Variants in ZNF609 observed in about 807,000 individuals in gnomAD.
ZNF609 encodes the protein zinc finger protein 609.
Under a neutral mutation model 109.5 loss-of-function variants are expected in ZNF609, and 11 were observed. That is an observed-to-expected ratio of 0.10 (90% CI 0.06 to 0.17). The LOEUF (loss-of-function observed/expected upper bound fraction) is 0.17, where lower values mean the gene tolerates loss of function less well. Among genes scored for constraint, ZNF609 ranks in the 10% least tolerant of loss-of-function variants. ZNF609 has a pLI of 1.00. For missense variants in ZNF609, 1,559 were observed against 1,772.4 expected (o/e 0.88, Z 2.16); for synonymous variants, 646 against 662.0 (o/e 0.98, Z 0.37).
At chr15:64,676,775 A>G (rs986521540) in intron 5 of ZNF609, among the ~76,000 whole-genome samples, 1 of 151,218 alleles carries the variant, frequency 6.6e-6, no homozygotes, top group Admixed American at 6.6e-5. Flanking sequence ...TTATTTTGAG[A>G]TGGAGTCTGG....
At chr15:64,572,834 G>C (rs1025141984) in intron 2 of ZNF609, among the ~76,000 whole-genome samples, 2 of 152,144 alleles carry the variant, frequency 1.3e-5, no homozygotes, top group Non-Finnish European at 2.9e-5. Context: ...CCGGGAGGCG[G>C]AAGTTGTGGT....
chr15:64,590,963 C>T (rs150517566), intron 2 of ZNF609, among the ~76,000 whole-genome samples: 1 of 152,110 alleles, frequency 6.6e-6, no homozygotes, highest in East Asian at 1.9e-4. Flanking sequence ...AATAAACTAC[C>T]CTGGAAATGT....
intron 3 of ZNF609, among the ~76,000 whole-genome samples, chr15:64,667,109 C>T (rs930979631): frequency 1.3e-5 from 2 of 151,888 alleles, no homozygotes; most frequent in African/African-American, 2.4e-5. Context: ...TCAGCCTGGG[C>T]GACAGAGCGA....
At chr15:64,600,652 A>C (rs1895482171) in intron 2 of ZNF609, among the ~76,000 whole-genome samples, 1 of 77,660 alleles carries the variant, frequency 1.3e-5, no homozygotes, top group Non-Finnish European at 2.3e-5. Context: ...AAAGAAAGAA[A>C]GCAGGGATGG....
chr15:64,568,927 A>G (rs77605735), intron 2 of ZNF609, among the ~76,000 whole-genome samples: 25 of 152,332 alleles, frequency 1.6e-4, no homozygotes, highest in South Asian at 8.3e-4. Flanking sequence ...GGGCTTTAAC[A>G]TGATGTGGTT....
chr15:64,623,136 C>A, intron 3 of ZNF609, 84 bp downstream of exon 3: 1 of 1,377,966 alleles, frequency 7.3e-7, no homozygotes, highest in Non-Finnish European at 1.0e-6. Context: ...GTAAATATTA[C>A]CAAGTGGTTA....
At chr15:64,482,763 A>C (rs1003701199) in intron 1 of ZNF609, among the ~76,000 whole-genome samples, 1 of 152,240 alleles carries the variant, frequency 6.6e-6, no homozygotes, top group Non-Finnish European at 1.5e-5. Context: ...AGTTGTTACC[A>C]GTAGACATTG....
Position 64,664,423 on chromosome 15 carries a change from G to A in ZNF609, c.974-5923G>A, listed in dbSNP as rs945752563. ...AAGTAAGATTCTAGAGAAACACGGA[G>A]CACTATTTATTACTGCTGTTTTTTA... On this transcript the variant is annotated intron_variant, in intron 3 of 9. Transcript: ENST00000326648. 5.3e-5 allele frequency among the ~76,000 whole-genome samples: 8 copies of A among 152,264 alleles called. No individual in the cohort carries two copies. The South Asian group carries it at 1.2e-3, about 24-fold the overall frequency.
At chr15:64,658,858 C>G (rs563871186) in intron 3 of ZNF609, among the ~76,000 whole-genome samples, 184 of 151,556 alleles carry the variant, frequency 1.2e-3, no homozygotes, top group Non-Finnish European at 2.2e-3. Context: ...CTATTGATAT[C>G]TACCATTTAG....
chr15:64,601,272 C>T (rs1951384605), intron 2 of ZNF609, among the ~76,000 whole-genome samples: 1 of 152,196 alleles, frequency 6.6e-6, no homozygotes, highest in African/African-American at 2.4e-5. Context: ...ATTGCATTTA[C>T]TGAGCATGAA....
intron 2 of ZNF609, among the ~76,000 whole-genome samples, chr15:64,605,211 T>C (rs1156539798): frequency 6.6e-6 from 1 of 152,184 alleles, no homozygotes; most frequent in East Asian, 1.9e-4. Flanking sequence ...TTATTAGTCC[T>C]TCTAGCTTAA....
At chr15:64,607,502 C>CTTTTTTTTTTT (rs200902765) in intron 2 of ZNF609, among the ~76,000 whole-genome samples, 1 of 131,988 alleles carries the variant, frequency 7.6e-6, no homozygotes, top group Non-Finnish European at 1.6e-5. Flanking sequence ...TTAAGGCATA[C>CTTTTTTTTTTT]TTTTTTTTTT....
intron 3 of ZNF609, among the ~76,000 whole-genome samples, chr15:64,650,656 T>A (rs1243399333): frequency 1.3e-5 from 2 of 152,032 alleles, no homozygotes; most frequent in Non-Finnish European, 2.9e-5. Context: ...AGAGGTCCTC[T>A]ACTTAGATCC....
At chr15:64,588,804 A>G (rs1290858586) in intron 2 of ZNF609, among the ~76,000 whole-genome samples, 1 of 151,804 alleles carries the variant, frequency 6.6e-6, no homozygotes, top group Non-Finnish European at 1.5e-5. Flanking sequence ...ACGTCTGGCT[A>G]ATTTTGTATT....
intron 2 of ZNF609, chr15:64,593,449 C>A (rs1029999342): frequency 1.5e-6 from 1 of 650,474 alleles, no homozygotes; most frequent in South Asian, 1.8e-5. Context: ...CAAAAATGTT[C>A]ACGATGCAGT....
chr15:64,539,248 C>T (rs1364914909), intron 2 of ZNF609, among the ~76,000 whole-genome samples: 1 of 151,398 alleles, frequency 6.6e-6, no homozygotes, highest in Non-Finnish European at 1.5e-5. Flanking sequence ...CACTCTGTTG[C>T]CCAGGCTGGA....
chr15:64,486,807 G>A (rs1893340818), intron 1 of ZNF609, among the ~76,000 whole-genome samples: 3 of 152,218 alleles, frequency 2.0e-5, no homozygotes, highest in South Asian at 4.1e-4. Flanking sequence ...AGTAGAGGCA[G>A]GTTTTGCCAT....
intron 6 of ZNF609, among the ~76,000 whole-genome samples, chr15:64,679,457 G>A (rs1039549249): frequency 4.6e-5 from 7 of 152,180 alleles, no homozygotes; most frequent in Non-Finnish European, 8.8e-5. Flanking sequence ...GGTGCTTCTG[G>A]GGTGGAAGGG....
chr15:64,647,219 A>G (rs751994308), intron 3 of ZNF609, among the ~76,000 whole-genome samples: 1 of 152,126 alleles, frequency 6.6e-6, no homozygotes, highest in African/African-American at 2.4e-5. Context: ...CAGTCACGAA[A>G]GGACAAATAT....
Sources: allele counts gnomAD v4.1 joint callset (sites outside exome capture counted in the v4.1 genomes callset), GRCh38; gene constraint gnomAD v4.1.1; transcripts MANE v1.5; gene names NCBI Gene and HGNC (gene_info 2026-07-23, HGNC 2026-07-21).